Variants in MRPS31 observed in about 807,000 individuals in gnomAD.
MRPS31 encodes small ribosomal subunit protein mS31.
MRPS31 carries 32 observed loss-of-function variants against 43.1 expected under a neutral mutation model. That is an observed-to-expected ratio of 0.74 (90% CI 0.56 to 1.00). The LOEUF is 1.00. Among genes scored for constraint, MRPS31 ranks in the 50% least tolerant of loss-of-function variants. The pLI is 0.00. For missense variants in MRPS31, 437 were observed against 466.7 expected, an observed-to-expected ratio of 0.94 and a Z score of 0.59; for synonymous variants, 165 against 161.6, an observed-to-expected ratio of 1.02 and a Z score of -0.16.
intron 1 of MRPS31, 76 bp downstream of exon 1, chr13:40,770,909 C>T: frequency 6.4e-7 from 1 of 1,568,740 alleles, no homozygotes; most frequent in South Asian, 1.1e-5. Context: ...GCTTCTAAGA[C>T]CCAGCAGGTG....
chr13:40,766,744 A>G lies in MRPS31; in HGVS notation c.440+2T>C. The G allele has an allele frequency of 6.3e-7, 1 of 1,576,254 alleles. No individual in the cohort carries two copies. The highest frequency in any genetic ancestry group is 2.0e-5 in the Admixed American group (1 of 51,230). On this transcript the variant is annotated splice_donor_variant, in intron 2 of 6. Transcript: ENST00000323563. LOFTEE classifies it high-confidence loss of function. ...CAACATCTGAATTACAATTAAATTT[A>G]CCTCTTCTTTGGAGCATATTCTGTA...
intron 6 of MRPS31, among the ~76,000 whole-genome samples, chr13:40,738,484 A>G (rs1879988063): frequency 6.6e-6 from 1 of 151,656 alleles, no homozygotes; most frequent in East Asian, 1.9e-4. Context: ...AGACACAACC[A>G]AAAAAGAGAA....
At chr13:40,770,775 C>A in intron 1 of MRPS31, 1 of 555,032 alleles carries the variant, frequency 1.8e-6, no homozygotes, top group East Asian at 3.4e-5. Context: ...AGGAATGAGG[C>A]GCGGCGTGTA....
In MRPS31 at chr13:40,769,353, C is replaced by T. The variant is rs188419159; in HGVS notation, c.152+1632G>A. Reference sequence around the variant, plus strand: ...ATCACACACTGCACTCCAGCCTAAGCGACAGAGCAAGACTCTGTCCATATA... The same window carrying T: ...ATCACACACTGCACTCCAGCCTAAGTGACAGAGCAAGACTCTGTCCATATA... On this transcript the variant is annotated intron_variant, in intron 1 of 6. Coordinates refer to ENST00000323563, the MANE Select transcript of MRPS31 (RefSeq NM_005830.4). Among the ~76,000 whole-genome samples the T allele has an allele frequency of 4.4e-5, 5 of 113,900 alleles. No individual in the cohort carries two copies. The South Asian group carries it at 1.2e-3, about 28-fold the overall frequency. 74.7% of individuals were successfully genotyped at this position (113,900 alleles called of 152,430 possible).
At chr13:40,744,922 T>TTTTA (rs1203409200) in intron 6 of MRPS31, among the ~76,000 whole-genome samples, 3 of 138,464 alleles carry the variant, frequency 2.2e-5, no homozygotes, top group African/African-American at 5.5e-5. Flanking sequence ...CCCATTTTAT[T>TTTTA]TTTATTTATT....
In MRPS31 at chr13:40,759,000, G is replaced by T. The variant is rs1365239821; in HGVS notation, c.547C>A (p.Gln183Lys). The T allele has an allele frequency of 1.2e-6, 2 of 1,608,806 alleles. No homozygotes were observed. The highest frequency in any genetic ancestry group is 1.7e-6 in the Non-Finnish European group (2 of 1,178,298). ...TGTGCCCTTGACTCTTCCTCATGCT[G>T]CTGGAGCTGGCTCAGCAGCTCTGAC... Reference protein sequence around the residue: ...TKSELLSQLQQHEEESRAQRD... With the variant: ...TKSELLSQLQKHEEESRAQRD... Residue 183 changes from glutamine (Q) to lysine (K), a missense_variant, in exon 3 of 7, where the codon CAG becomes AAG. Physicochemically the swap from Gln to Lys is moderately conservative, Grantham distance 53. Coordinates refer to ENST00000323563, the MANE Select transcript of MRPS31 (RefSeq NM_005830.4).
intron 3 of MRPS31, among the ~76,000 whole-genome samples, chr13:40,757,771 C>G (rs61963354): frequency 1.3e-3 from 174 of 135,546 alleles, no homozygotes; most frequent in Non-Finnish European, 2.2e-3. Context: ...ATTACAGTTT[C>G]TTGTCTCACA....
chr13:40,759,958 T>G (rs1176024633), intron 2 of MRPS31, among the ~76,000 whole-genome samples: 3 of 151,904 alleles, frequency 2.0e-5, no homozygotes, highest in Admixed American at 6.6e-5. Context: ...TGAAAGAAGT[T>G]GGACACAAAG....
intron 1 of MRPS31, among the ~76,000 whole-genome samples, chr13:40,769,391 TATATATATATATATATATATATATATATA>T (rs879623043): frequency 0.066 from 6,654 of 101,562 alleles, 534 homozygotes; most frequent in East Asian, 0.28. Flanking sequence ...TATATATATA[TATATATATATATATATATATATATATATA>T]TTATCAAGTT....
intron 3 of MRPS31, among the ~76,000 whole-genome samples, chr13:40,757,568 C>T (rs1438191912): frequency 6.7e-6 from 1 of 150,190 alleles, no homozygotes. Flanking sequence ...CCTCAGCCTT[C>T]CGAGTAGCTG....
chr13:40,731,730 A>C lies in MRPS31; in HGVS notation c.959-2129T>G, dbSNP rs10459370. On this transcript the variant is annotated intron_variant, in intron 6 of 6. Transcript: ENST00000323563. ...GTGGATATAAAAACATAAACCAACT[A>C]TATGCTGTTCATAAGAAATTCACCT... is the stretch of plus-strand genomic sequence containing the variant. 2.0e-3 allele frequency among the ~76,000 whole-genome samples: 305 copies of C among 152,364 alleles called. 4 individuals are homozygous for C. In the East Asian group the frequency reaches 0.047, roughly 24 times the overall value.
At chr13:40,746,377 T>C (rs1478453349) in intron 6 of MRPS31, among the ~76,000 whole-genome samples, 2 of 152,170 alleles carry the variant, frequency 1.3e-5, no homozygotes, top group African/African-American at 2.4e-5. Flanking sequence ...AGTAAGAGTT[T>C]CCATAGTCCT....
At chr13:40,737,377 G>A in intron 6 of MRPS31, among the ~76,000 whole-genome samples, 1 of 151,828 alleles carries the variant, frequency 6.6e-6, no homozygotes, top group East Asian at 1.9e-4. Flanking sequence ...AGATCAATGA[G>A]ACAGAAAGTC....
intron 5 of MRPS31, chr13:40,752,372 C>T (rs1343462651): frequency 1.3e-5 from 2 of 152,150 alleles, no homozygotes; most frequent in South Asian, 2.1e-4. Flanking sequence ...AGGGAAGAGG[C>T]GATTCCTTGT....
intron 5 of MRPS31, 94 bp downstream of exon 5, chr13:40,753,925 G>T: frequency 1.2e-6 from 1 of 811,474 alleles, no homozygotes; most frequent in Non-Finnish European, 2.0e-6. Flanking sequence ...TGACAGAATG[G>T]AATATTAAAA....
chr13:40,769,954 A>G (rs767451156), intron 1 of MRPS31, among the ~76,000 whole-genome samples: 3 of 152,166 alleles, frequency 2.0e-5, no homozygotes, highest in African/African-American at 4.8e-5. Flanking sequence ...CCTCTTTCAG[A>G]CTGACTTTCC....
At chr13:40,762,782 TTGTGTGTGTGTGTGTG>T (rs60906711) in intron 2 of MRPS31, among the ~76,000 whole-genome samples, 19,944 of 129,896 alleles carry the variant, frequency 0.15, 1,772 homozygotes, top group South Asian at 0.28. Flanking sequence ...AGTATAGACA[TTGTGTGTGTGTGTGTG>T]TGTGTGTGTG....
At position 40,749,261 on chromosome 13, in the gene MRPS31, C is replaced by A. The variant is rs13508; in HGVS notation, c.835G>T (p.Asp279Tyr). Residue 279 changes from aspartate to tyrosine, a missense_variant, in exon 6 of 7, where the codon GAT becomes TAT. Physicochemically the swap from Asp to Tyr is radical, Grantham distance 160 (BLOSUM62 -3). Coordinates refer to ENST00000323563, the MANE Select transcript of MRPS31 (RefSeq NM_005830.4). ...GCTAACTGCTTAGCAAATTCCACATCCCAAAGTGAAGGTGATGTGTCTACA... is the reference window on the plus strand; with the variant it reads ...GCTAACTGCTTAGCAAATTCCACATACCAAAGTGAAGGTGATGTGTCTACA... The part of the protein sequence containing the change: ...PETDTSPSLW[D>Y]VEFAKQLATV... 6.3e-7 allele frequency: 1 copy of A among 1,587,492 alleles called. No homozygotes were observed. Among genetic ancestry groups the A allele is most frequent in the Non-Finnish European group, 8.5e-7 (1 of 1,172,876 alleles).
intron 6 of MRPS31, among the ~76,000 whole-genome samples, chr13:40,730,668 C>T (rs1879660456): frequency 6.6e-6 from 1 of 152,080 alleles, no homozygotes; most frequent in Non-Finnish European, 1.5e-5. Flanking sequence ...TCAAGTGATT[C>T]TCCTGCCTCG....
Sources: gnomAD v4.1 joint callset for allele counts (sites outside exome capture counted in the v4.1 genomes callset) on GRCh38, gnomAD v4.1.1 for gene constraint, MANE v1.5 for transcripts, NCBI Gene and HGNC (gene_info 2026-07-23, HGNC 2026-07-21) for gene names.